The following ERC1 variants were observed in gnomAD, a reference collection of about 807,000 sequenced individuals.
The protein encoded by ERC1 is ELKS/RAB6-interacting/CAST family member 1.
ERC1 carries 56 observed loss-of-function variants against 132.0 expected under a neutral mutation model. The observed-to-expected ratio is 0.42, with a 90% CI of 0.34 to 0.53. The LOEUF (loss-of-function observed/expected upper bound fraction) is 0.53, where lower values mean the gene tolerates loss of function less well. ERC1 is among the 20% of genes least tolerant of loss of function. ERC1 has a pLI of 0.03. For missense variants in ERC1, 1,202 were observed against 1,349.9 expected (o/e 0.89, Z 1.72); for synonymous variants, 478 against 476.1 (o/e 1.00, Z -0.05).
chr12:1,191,011 T>C (rs74961247), intron 12 of ERC1, among the ~76,000 whole-genome samples: 30,555 of 152,014 alleles, frequency 0.2, 3,582 homozygotes, highest in Non-Finnish European at 0.27. Flanking sequence ...AAGGTATTAT[T>C]TTTTCCTATT....
chr12:1,373,530 C>T (rs1453601230), intron 16 of ERC1, among the ~76,000 whole-genome samples: 1 of 152,142 alleles, frequency 6.6e-6, no homozygotes, highest in African/African-American at 2.4e-5. Flanking sequence ...GCCTGTAATC[C>T]CAGCACTTTG....
intron 16 of ERC1, among the ~76,000 whole-genome samples, chr12:1,381,817 C>T (rs1287573245): frequency 6.6e-6 from 1 of 152,198 alleles, no homozygotes. Flanking sequence ...CCTGAAGTCA[C>T]TATTTTTCCT....
intron 16 of ERC1, among the ~76,000 whole-genome samples, chr12:1,403,211 T>C (rs2091219794): frequency 6.6e-6 from 1 of 152,210 alleles, no homozygotes; most frequent in Non-Finnish European, 1.5e-5. Flanking sequence ...CTTCTTCCTT[T>C]TTTTTCCCCC....
chr12:1,102,731 T>C (rs139010166), intron 3 of ERC1, among the ~76,000 whole-genome samples: 1 of 152,288 alleles, frequency 6.6e-6, no homozygotes, highest in East Asian at 1.9e-4. Flanking sequence ...GAATAATAAG[T>C]AAACATAATA....
intron 16 of ERC1, among the ~76,000 whole-genome samples, chr12:1,383,424 C>T (rs1048964919): frequency 7.2e-6 from 1 of 138,168 alleles, no homozygotes; most frequent in African/African-American, 2.6e-5. Flanking sequence ...AAAATCTGTT[C>T]CTGCTGCCTC....
chr12:1,484,733 A>T (rs2154433158), intron 18 of ERC1, among the ~76,000 whole-genome samples: 1 of 152,032 alleles, frequency 6.6e-6, no homozygotes, highest in East Asian at 1.9e-4. Flanking sequence ...GCACGCCACC[A>T]TGCCCGGCTA....
chr12:1,367,444 A>G (rs2086768039), intron 15 of ERC1, among the ~76,000 whole-genome samples: 1 of 152,174 alleles, frequency 6.6e-6, no homozygotes, highest in South Asian at 2.1e-4. Flanking sequence ...ACAGCCCTTC[A>G]TTCATACTCC....
At chr12:1,173,239 C>T (rs1286964272) in intron 8 of ERC1, among the ~76,000 whole-genome samples, 2 of 152,156 alleles carry the variant, frequency 1.3e-5, no homozygotes, top group African/African-American at 2.4e-5. Flanking sequence ...TCTGGAGCTA[C>T]ACTACCTAGT....
At position 1,121,640 on chromosome 12, in the gene ERC1, GATCTCTATCTCTATCTCT is replaced by G. The variant is rs1186900552; in HGVS notation, c.1569+5630_1569+5647del. Among the ~76,000 whole-genome samples the G allele has an allele frequency of 4.5e-5, 4 of 88,534 alleles. 1 individual carries two copies. Among genetic ancestry groups the G allele is most frequent in the African/African-American group, 8.3e-5 (2 of 23,954 alleles). 58.1% of individuals were successfully genotyped at this position (88,534 alleles called of 152,430 possible). On this transcript the variant is annotated intron_variant, in intron 7 of 18. Transcript: ENST00000360905. ...AGTGGCAAATGAAACAAAGGCTGAT[GATCTCTATCTCTATCTCT>G]ATCTCTATCTCTATCTCTATCTATC...
At chr12:1,307,027 C>T (rs944664413) in intron 15 of ERC1, among the ~76,000 whole-genome samples, 1 of 152,114 alleles carries the variant, frequency 6.6e-6, no homozygotes, top group African/African-American at 2.4e-5. Flanking sequence ...AAGTGAGGCC[C>T]TAGAGACTGT....
chr12:1,248,801 G>A (rs1171509047), intron 13 of ERC1, among the ~76,000 whole-genome samples: 1 of 152,150 alleles, frequency 6.6e-6, no homozygotes, highest in Non-Finnish European at 1.5e-5. Context: ...AATGTTGCAC[G>A]AGACAAACAA....
rs1490008427 is a variant in ERC1 at position 1,440,507 on chromosome 12, T to G, written c.3025-4055T>G. Among the ~76,000 whole-genome samples the G allele has an allele frequency of 3.9e-4, 53 of 135,444 alleles. 3 individuals are homozygous for G. Among genetic ancestry groups the G allele is most frequent in the African/African-American group, 1.5e-3 (50 of 33,558 alleles). The allele number at this position is 135,444 out of a possible 152,430, so 88.9% of individuals were successfully genotyped here. On this transcript the variant is annotated intron_variant, in intron 17 of 18. Coordinates refer to ENST00000360905, the MANE Select transcript of ERC1 (RefSeq NM_178040.4). ...AGGTGTGAGCCACCGCGCCCGGCCT[T>G]TTTTTTTTTTTTTTAATAGAGACAG...
chr12:1,293,494 T>C (rs1334375719), intron 15 of ERC1, among the ~76,000 whole-genome samples: 1 of 118,830 alleles, frequency 8.4e-6, no homozygotes, highest in Non-Finnish European at 1.9e-5. Context: ...CCAGGCGTGG[T>C]GGCGTGCGCC....
At chr12:1,117,572 T>G (rs760205184) in intron 7 of ERC1, among the ~76,000 whole-genome samples, 2 of 152,172 alleles carry the variant, frequency 1.3e-5, no homozygotes, top group Non-Finnish European at 2.9e-5. Context: ...TTACTATGAG[T>G]CGCGTGATCC....
At chr12:1,484,520 T>C (rs1229415039) in intron 18 of ERC1, among the ~76,000 whole-genome samples, 1 of 152,060 alleles carries the variant, frequency 6.6e-6, no homozygotes, top group African/African-American at 2.4e-5. Flanking sequence ...CCACTTCCCA[T>C]GCCCTAGCCA....
At chr12:1,473,527 G>T (rs2093908491) in intron 18 of ERC1, among the ~76,000 whole-genome samples, 1 of 151,532 alleles carries the variant, frequency 6.6e-6, no homozygotes, top group Non-Finnish European at 1.5e-5. Context: ...CTACTCAGCG[G>T]TCTAAGGCAG....
chr12:1,261,261 G>A (rs972349800), intron 13 of ERC1, among the ~76,000 whole-genome samples: 21 of 152,186 alleles, frequency 1.4e-4, no homozygotes, highest in African/African-American at 5.1e-4. Flanking sequence ...GCAAAAAACA[G>A]TTTAAGAGTG....
rs774016734 is a variant in ERC1, at chr12:1,112,256, A to G, written c.1359A>G (p.Gln453=). The change falls in exon 6 of 19, where the codon CAA becomes CAG. Residue 453 remains glutamine, a synonymous_variant. Transcript: ENST00000360905. ...LKEELSSKEA[Q]WEELKKKAAG... ...AGGAACTAAGTTCGAAAGAGGCTCAATGGGAGGAGCTGAAAAAGAAAGCGG... is the reference window on the plus strand; with the variant it reads ...AGGAACTAAGTTCGAAAGAGGCTCAGTGGGAGGAGCTGAAAAAGAAAGCGG... The G allele has an allele frequency of 5.0e-6, 8 of 1,608,126 alleles. No individual in the cohort carries two copies. Among genetic ancestry groups the G allele is most frequent in the African/African-American group, 1.3e-5 (1 of 74,686 alleles).
intron 16 of ERC1, among the ~76,000 whole-genome samples, chr12:1,402,917 T>G (rs2091197123): frequency 7.5e-6 from 1 of 134,044 alleles, no homozygotes; most frequent in Non-Finnish European, 1.5e-5. Flanking sequence ...AACTCTCAGA[T>G]TTTTTTTATC....
Sources: allele counts gnomAD v4.1 joint callset (sites outside exome capture counted in the v4.1 genomes callset), GRCh38; gene constraint gnomAD v4.1.1; transcripts MANE v1.5; gene names NCBI Gene and HGNC (gene_info 2026-07-23, HGNC 2026-07-21).